Variants in IMMP2L observed in about 807,000 individuals in gnomAD.
IMMP2L encodes mitochondrial inner membrane protease subunit 2.
Under a neutral mutation model 19.3 loss-of-function variants are expected in IMMP2L, and 18 were observed. The observed-to-expected ratio is 0.93, with a 90% CI of 0.64 to 1.38. The LOEUF is 1.38. Among genes scored for constraint, IMMP2L ranks in the 40% most tolerant of loss-of-function variants. IMMP2L has a pLI of 0.00. For missense variants in IMMP2L, 233 were observed against 218.2 expected (o/e 1.07, Z -0.43); for synonymous variants, 76 against 73.0 (o/e 1.04, Z -0.21).
intron 3 of IMMP2L, among the ~76,000 whole-genome samples, chr7:111,409,665 T>C (rs1834221514): frequency 6.6e-6 from 1 of 151,820 alleles, no homozygotes; most frequent in Admixed American, 6.6e-5. Context: ...ACATAAAGCT[T>C]GCTTCTAAGA....
At chr7:111,436,946 T>G (rs756406831) in intron 3 of IMMP2L, among the ~76,000 whole-genome samples, 7 of 151,608 alleles carry the variant, frequency 4.6e-5, no homozygotes, top group Non-Finnish European at 1.0e-4. Flanking sequence ...AGATTTTGCA[T>G]GAACTTAGAG....
chr7:111,514,534 T>C (rs1845718911), intron 2 of IMMP2L, among the ~76,000 whole-genome samples: 1 of 152,050 alleles, frequency 6.6e-6, no homozygotes, highest in Admixed American at 6.6e-5. Flanking sequence ...TATATATATA[T>C]CATGTATACT....
At chr7:110,982,103 G>A (rs1455998063) in intron 3 of IMMP2L, among the ~76,000 whole-genome samples, 2 of 152,108 alleles carry the variant, frequency 1.3e-5, no homozygotes, top group African/African-American at 4.8e-5. Flanking sequence ...GGTATTAACT[G>A]TGCAAATTTA....
At chr7:110,750,257 T>G (rs986960129) in intron 5 of IMMP2L, among the ~76,000 whole-genome samples, 1 of 69,642 alleles carries the variant, frequency 1.4e-5, no homozygotes, top group African/African-American at 3.1e-5. Flanking sequence ...GCTGTAAGAG[T>G]TTTTTTTGTC....
At chr7:110,913,679 C>T (rs1813290444) in intron 4 of IMMP2L, among the ~76,000 whole-genome samples, 2 of 152,044 alleles carry the variant, frequency 1.3e-5, no homozygotes, top group Admixed American at 1.3e-4. Flanking sequence ...GTAATGATAC[C>T]AGCCATTACT....
chr7:111,179,126 CATT>C (rs1807413954), intron 3 of IMMP2L, among the ~76,000 whole-genome samples: 1 of 152,084 alleles, frequency 6.6e-6, no homozygotes, highest in African/African-American at 2.4e-5. Flanking sequence ...ATGAAAATAA[CATT>C]AATCTCTTTA....
chr7:111,085,603 T>C (rs551424371), intron 3 of IMMP2L, among the ~76,000 whole-genome samples: 1 of 152,342 alleles, frequency 6.6e-6, no homozygotes, highest in African/African-American at 2.4e-5. Context: ...ATTTTTCACA[T>C]GATTGTTGGC....
At chr7:110,860,655 C>T (rs115298947) in intron 5 of IMMP2L, among the ~76,000 whole-genome samples, 2,126 of 152,062 alleles carry the variant, frequency 0.014, 44 homozygotes, top group African/African-American at 0.036. Context: ...TAATGTATAC[C>T]GCACTGATGC....
At chr7:111,027,960 G>C (rs1339049280) in intron 3 of IMMP2L, among the ~76,000 whole-genome samples, 6 of 151,896 alleles carry the variant, frequency 4.0e-5, no homozygotes, top group Admixed American at 1.3e-4. Flanking sequence ...AAAGGCAAAA[G>C]CAAATGAAAC....
intron 5 of IMMP2L, among the ~76,000 whole-genome samples, chr7:110,852,858 G>A (rs1806378806): frequency 6.6e-6 from 1 of 152,044 alleles, no homozygotes; most frequent in African/African-American, 2.4e-5. Context: ...TAATTTGTCA[G>A]AAACATGAGT....
At chr7:110,962,506 CA>C (rs1246182768) in intron 4 of IMMP2L, 1 of 153,370 alleles carries the variant, frequency 6.5e-6, no homozygotes, top group Non-Finnish European at 1.4e-5. Context: ...GCTGGATTCT[CA>C]TATCTGCTCC....
At chr7:111,236,692 G>A (rs1205009024) in intron 3 of IMMP2L, among the ~76,000 whole-genome samples, 1 of 151,950 alleles carries the variant, frequency 6.6e-6, no homozygotes, top group African/African-American at 2.4e-5. Flanking sequence ...GCAAACTCTA[G>A]CCACCTGGAC....
chr7:111,535,247 A>G (rs1847776690), intron 1 of IMMP2L, among the ~76,000 whole-genome samples: 1 of 152,062 alleles, frequency 6.6e-6, no homozygotes, highest in South Asian at 2.1e-4. Flanking sequence ...AAAATGCAGT[A>G]AGGTAGAGAA....
At chr7:110,996,831 T>C (rs1823086558) in intron 3 of IMMP2L, among the ~76,000 whole-genome samples, 1 of 152,216 alleles carries the variant, frequency 6.6e-6, no homozygotes, top group African/African-American at 2.4e-5. Flanking sequence ...AATACTGACA[T>C]TGATAAGATC....
At chr7:111,499,818 G>A (rs185651861) in intron 2 of IMMP2L, among the ~76,000 whole-genome samples, 2 of 152,210 alleles carry the variant, frequency 1.3e-5, no homozygotes, top group East Asian at 3.9e-4. Flanking sequence ...TAAAAAGGAG[G>A]CCCGGTGGAG....
chr7:111,218,452 T>G, intron 3 of IMMP2L, among the ~76,000 whole-genome samples: 1 of 130,050 alleles, frequency 7.7e-6, no homozygotes, highest in African/African-American at 2.8e-5. Context: ...TTCAAAAGTT[T>G]TATCAGTTTT....
intron 5 of IMMP2L, among the ~76,000 whole-genome samples, chr7:110,699,777 A>T (rs564884524): frequency 1.7e-4 from 25 of 151,508 alleles, no homozygotes; most frequent in South Asian, 4.2e-4. Flanking sequence ...AAAAAAAAAA[A>T]AATAAGGTGA....
At chr7:111,538,815 T>TC (rs1848139021) in intron 1 of IMMP2L, among the ~76,000 whole-genome samples, 1 of 116,686 alleles carries the variant, frequency 8.6e-6, no homozygotes, top group African/African-American at 4.1e-5. Context: ...CCTGGCTCAT[T>TC]TAAAAAAAAA....
intron 3 of IMMP2L, among the ~76,000 whole-genome samples, chr7:111,451,813 C>T (rs1188359748): frequency 6.6e-6 from 1 of 151,522 alleles, no homozygotes; most frequent in Non-Finnish European, 1.5e-5. Flanking sequence ...GAAACCCTTT[C>T]AAACAAAGAA....
Sources: allele counts gnomAD v4.1 joint callset (sites outside exome capture counted in the v4.1 genomes callset), GRCh38; gene constraint gnomAD v4.1.1; transcripts MANE v1.5; gene names NCBI Gene and HGNC (gene_info 2026-07-23, HGNC 2026-07-21).